The following AFMID variants were observed in gnomAD, a reference collection of about 807,000 sequenced individuals.
AFMID encodes the protein arylformamidase, also known as kynurenine formamidase.
In AFMID, 39 loss-of-function variants were observed where a neutral mutation model predicts 47.5. The observed-to-expected ratio is 0.82, with a 90% confidence interval of 0.64 to 1.07. AFMID has a LOEUF of 1.07. AFMID is among the 50% of genes least tolerant of loss of function. The pLI, the probability that AFMID is intolerant of heterozygous loss-of-function variation, is 0.00. For synonymous variants in AFMID, 130 were observed against 153.2 expected (o/e 0.85, Z 1.12); for missense variants, 375 against 387.5 (o/e 0.97, Z 0.27).
rs1157443779 is a variant in AFMID, at chr17:78,203,021, T to C, written c.308+270T>C. On this transcript the variant is annotated intron_variant, in intron 4 of 10. Coordinates refer to ENST00000409257, the MANE Select transcript of AFMID (RefSeq NM_001010982.5). The stretch of plus-strand genomic sequence containing the variant: ...AGCCTCTGCCTCCATTCACATGTGA[T>C]CCTGGTGTTCCTGGGTCTCAAATCT... 2.3e-5 allele frequency: 10 copies of C among 429,894 alleles called. No homozygotes were observed. The East Asian group carries it at 4.0e-4, about 17-fold the overall frequency. 26.6% of individuals were successfully genotyped at this position (429,894 alleles called of 1,614,324 possible). A position where few individuals can be genotyped will look rare whatever the true frequency, so the allele number is the denominator to read the frequency against.
intron 4 of AFMID, among the ~76,000 whole-genome samples, chr17:78,204,377 C>T (rs927335739): frequency 1.2e-4 from 19 of 152,268 alleles, no homozygotes; most frequent in African/African-American, 4.3e-4. Flanking sequence ...GAGGTCGAGG[C>T]TACAGTGATC....
chr17:78,198,546 T>A (rs2076167677), intron 2 of AFMID, among the ~76,000 whole-genome samples: 1 of 150,796 alleles, frequency 6.6e-6, no homozygotes, highest in African/African-American at 2.4e-5. Context: ...AAGCAGAGGT[T>A]GCAGATCACT....
At chr17:78,187,521 C>T (rs73999670) in intron 1 of AFMID, 88 bp downstream of exon 1, 46,993 of 1,494,662 alleles carry the variant, frequency 0.031, 2,145 homozygotes, top group African/African-American at 0.19. Flanking sequence ...GCTTAGAAGC[C>T]GTCTAGAGCA....
rs184392393 is a variant in AFMID at position 78,191,136 on chromosome 17, G to T, written c.154+76G>T. 9 of 1,345,418 alleles carry T rather than the reference G, an allele frequency of 6.7e-6. No individual in the cohort carries two copies. The South Asian group carries it at 8.5e-5, about 13-fold the overall frequency. 83.3% of individuals were successfully genotyped at this position (1,345,418 alleles called of 1,614,324 possible). ...CAGTGATTCAGAATGCTGGGGGTTG[G>T]GGGGGCTGTGCTGCACCACCTGGGC... On this transcript the variant is annotated intron_variant, in intron 2 of 10. Transcript: ENST00000409257.
At chr17:78,189,029 G>A (rs761067890) in intron 1 of AFMID, among the ~76,000 whole-genome samples, 53 of 151,974 alleles carry the variant, frequency 3.5e-4, no homozygotes, top group Non-Finnish European at 7.4e-4. Context: ...ACTGTGCCGG[G>A]CCTGGATAGA....
intron 2 of AFMID, among the ~76,000 whole-genome samples, 162 bp from the exon 3 acceptor site, chr17:78,202,337 G>A (rs915340300): frequency 2.0e-5 from 3 of 152,040 alleles, no homozygotes; most frequent in Non-Finnish European, 4.4e-5. Context: ...GCTGAGGCAG[G>A]AGAATCGCTT....
intron 8 of AFMID, 41 bp downstream of exon 8, chr17:78,205,559 C>A (rs1269019395): frequency 1.2e-6 from 2 of 1,614,042 alleles, no homozygotes; most frequent in Non-Finnish European, 8.5e-7. Flanking sequence ...TCACCAGGAG[C>A]CTGGCTCCTC....
intron 7 of AFMID, 44 bp from the exon 8 acceptor site, chr17:78,205,396 C>T: frequency 1.2e-6 from 2 of 1,608,462 alleles, no homozygotes; most frequent in Non-Finnish European, 1.7e-6. Context: ...CCCTGCCTTG[C>T]TCCGCCTGGA....
intron 1 of AFMID, among the ~76,000 whole-genome samples, chr17:78,189,126 G>T (rs2075889516): frequency 6.6e-6 from 1 of 152,016 alleles, no homozygotes; most frequent in Admixed American, 6.5e-5. Context: ...AGGTCAGATG[G>T]CATTTGACCT....
In AFMID at chr17:78,194,141, C is replaced by T. The variant is rs577313219; in HGVS notation, c.154+3081C>T. Among the ~76,000 whole-genome samples, 41 of 149,820 alleles carry T rather than the reference C, an allele frequency of 2.7e-4. No homozygotes were observed. The South Asian group carries it at 5.1e-3, about 19-fold the overall frequency. On this transcript the variant is annotated intron_variant, in intron 2 of 10. Transcript: ENST00000409257. Reference sequence around the variant, plus strand: ...TTTTTTTTTCTTTGAGACAAGGCCTCGCTTTGTCACCCAGGCTGGAGTGCA... The same window carrying T: ...TTTTTTTTTCTTTGAGACAAGGCCTTGCTTTGTCACCCAGGCTGGAGTGCA...
chr17:78,204,530 C>A, intron 4 of AFMID, 126 bp from the exon 5 acceptor site: 1 of 879,652 alleles, frequency 1.1e-6, no homozygotes. Flanking sequence ...TTCACTCTCT[C>A]ACATGGGACC....
intron 2 of AFMID, 37 bp from the exon 3 acceptor site, chr17:78,202,462 G>A (rs1231644211): frequency 1.3e-6 from 2 of 1,596,608 alleles, no homozygotes; most frequent in East Asian, 2.2e-5. Flanking sequence ...TACCACCTGA[G>A]CTTGTGCTGA....
At chr17:78,187,989 A>AAAAAAAAAAAAAAAG (rs2075847437) in intron 1 of AFMID, among the ~76,000 whole-genome samples, 1 of 135,814 alleles carries the variant, frequency 7.4e-6, no homozygotes. Flanking sequence ...AAAAAAAAAA[A>AAAAAAAAAAAAAAAG]TCCATAGACC....
Position 78,206,966 on chromosome 17 carries a change from G to C in AFMID, c.*29G>C, listed in dbSNP as rs201786645. The C allele has an allele frequency of 7.4e-6, 12 of 1,612,548 alleles. No individual in the cohort carries two copies. Among genetic ancestry groups the C allele is most frequent in the South Asian group, 3.3e-5 (3 of 91,042 alleles). On this transcript the variant is annotated 3_prime_UTR_variant, in exon 11 of 11. Transcript: ENST00000409257. ...TGACGATACTTGGAGCCTGGTCCAC[G>C]TGCATCCCACCTTGGGAAGCCTCTC...
At chr17:78,188,584 A>G (rs1226409714) in intron 1 of AFMID, among the ~76,000 whole-genome samples, 1 of 141,894 alleles carries the variant, frequency 7.0e-6, no homozygotes, top group Non-Finnish European at 1.5e-5. Flanking sequence ...CTGGTACTAC[A>G]TGCCTGGCTA....
At chr17:78,189,547 G>A (rs2075904175) in intron 1 of AFMID, among the ~76,000 whole-genome samples, 1 of 148,084 alleles carries the variant, frequency 6.8e-6, no homozygotes, top group Non-Finnish European at 1.5e-5. Context: ...TTTTGAAACA[G>A]GGTTTTGCTC....
intron 4 of AFMID, 57 bp downstream of exon 4, chr17:78,202,808 ACTC>A: frequency 1.3e-6 from 2 of 1,544,250 alleles, no homozygotes; most frequent in African/African-American, 1.4e-5. Context: ...TCCCTGGGGG[ACTC>A]CTCCTCCAGG....
At chr17:78,197,737 G>T (rs901199792) in intron 2 of AFMID, among the ~76,000 whole-genome samples, 18 of 152,012 alleles carry the variant, frequency 1.2e-4, no homozygotes, top group African/African-American at 4.1e-4. Context: ...TATCCAACCA[G>T]AGTGGTCTCA....
At chr17:78,206,187 A>G (rs945035750) in intron 10 of AFMID, 137 bp downstream of exon 10, 10 of 704,588 alleles carry the variant, frequency 1.4e-5, no homozygotes, top group Middle Eastern at 3.9e-4. Context: ...AATACAAAAC[A>G]AATTAGCCAG....
Sources: allele counts gnomAD v4.1 joint callset (sites outside exome capture counted in the v4.1 genomes callset), GRCh38; gene constraint gnomAD v4.1.1; transcripts MANE v1.5; gene names NCBI Gene and HGNC (gene_info 2026-07-23, HGNC 2026-07-21).